Variants in CAMTA1 observed in about 807,000 individuals in gnomAD.
CAMTA1 encodes the protein calmodulin binding transcription activator 1.
Under a neutral mutation model 170.9 loss-of-function variants are expected in CAMTA1, and 27 were observed. The observed-to-expected ratio is 0.16, with a 90% CI of 0.12 to 0.22. The LOEUF is 0.22. Ranked by LOEUF, CAMTA1 falls within the 10% of genes least tolerant of loss-of-function variation. CAMTA1 has a pLI of 1.00. For synonymous variants in CAMTA1, 833 were observed against 891.5 expected (o/e 0.93, Z 1.17); for missense variants, 1,619 against 2,217.2 (o/e 0.73, Z 5.42).
intron 3 of CAMTA1, among the ~76,000 whole-genome samples, chr1:6,853,960 A>G (rs545696216): frequency 6.6e-6 from 1 of 152,348 alleles, no homozygotes; most frequent in Non-Finnish European, 1.5e-5. Context: ...TGCAATTCAT[A>G]GTGGAAAGTT....
At chr1:6,846,124 G>C (rs1658023943) in intron 3 of CAMTA1, among the ~76,000 whole-genome samples, 1 of 152,150 alleles carries the variant, frequency 6.6e-6, no homozygotes, top group African/African-American at 2.4e-5. Context: ...TGACACATGG[G>C]AATTATTACA....
intron 7 of CAMTA1, among the ~76,000 whole-genome samples, chr1:7,655,315 TAC>T (rs1472716241): frequency 4.5e-5 from 5 of 110,414 alleles, no homozygotes; most frequent in Non-Finnish European, 9.2e-5. Flanking sequence ...CACACCGTTA[TAC>T]ACACCTATAC....
rs1163002703 is a variant in CAMTA1 at position 7,562,839 on chromosome 1, C to T, written c.511-77561C>T. On this transcript the variant is annotated intron_variant, in intron 6 of 22. Transcript: ENST00000303635. This position sits in a 1 kb window ranked among gnomAD's most constrained non-coding sequence, Gnocchi z 4.8. ...GCGGACGGGATGACAGGCCCTCTAACCCCACCGCCCACTCACCTGCAGCCT... is the reference window on the plus strand; with the variant it reads ...GCGGACGGGATGACAGGCCCTCTAATCCCACCGCCCACTCACCTGCAGCCT... Among the ~76,000 whole-genome samples the T allele has an allele frequency of 2.0e-5, 3 of 152,200 alleles. No individual in the cohort carries two copies. Among genetic ancestry groups the T allele is most frequent in the Non-Finnish European group, 2.9e-5 (2 of 68,038 alleles).
chr1:7,163,860 C>CT (rs1358780856), intron 4 of CAMTA1, among the ~76,000 whole-genome samples: 1 of 152,212 alleles, frequency 6.6e-6, no homozygotes, highest in Non-Finnish European at 1.5e-5. Context: ...TAGCACCTGT[C>CT]ACATCCTTAT....
chr1:6,904,586 C>G (rs1677895905), intron 3 of CAMTA1, among the ~76,000 whole-genome samples: 1 of 148,210 alleles, frequency 6.7e-6, no homozygotes, highest in African/African-American at 2.5e-5. Context: ...ACAGAGTCTT[C>G]CTCTATCGCC....
chr1:7,287,222 G>C (rs573675044), intron 5 of CAMTA1, among the ~76,000 whole-genome samples: 2 of 152,300 alleles, frequency 1.3e-5, no homozygotes, highest in East Asian at 3.9e-4. Context: ...TCAGTGAGCA[G>C]CCAGGGGGAG....
intron 6 of CAMTA1, among the ~76,000 whole-genome samples, chr1:7,555,371 C>T (rs1269688268): frequency 6.6e-6 from 1 of 152,140 alleles, no homozygotes; most frequent in Non-Finnish European, 1.5e-5. Context: ...CCAAAGCAAG[C>T]AGCCCCTCCA....
chr1:7,433,010 C>T (rs889869185), intron 5 of CAMTA1, among the ~76,000 whole-genome samples: 2 of 152,244 alleles, frequency 1.3e-5, no homozygotes, highest in African/African-American at 4.8e-5. Context: ...GTGAAATCAC[C>T]TCCTCAGAAG....
chr1:6,849,900 T>C (rs113519935), intron 3 of CAMTA1, among the ~76,000 whole-genome samples: 2,590 of 151,838 alleles, frequency 0.017, 35 homozygotes, highest in South Asian at 0.032. Flanking sequence ...CCAGATGTGG[T>C]GACGCATGCC....
chr1:7,718,845 G>A (rs1317839317), intron 11 of CAMTA1, among the ~76,000 whole-genome samples: 2 of 120,234 alleles, frequency 1.7e-5, no homozygotes, highest in African/African-American at 3.2e-5. Flanking sequence ...GCATGAGCCC[G>A]GTCAGCCCTT....
chr1:6,947,372 C>G (rs1374169265), intron 3 of CAMTA1, among the ~76,000 whole-genome samples: 1 of 151,124 alleles, frequency 6.6e-6, no homozygotes, highest in Non-Finnish European at 1.5e-5. Context: ...TTTCCATTGT[C>G]TTTAATTTTT....
intron 3 of CAMTA1, among the ~76,000 whole-genome samples, chr1:7,004,819 G>A (rs565022884): frequency 1.3e-5 from 2 of 152,280 alleles, no homozygotes; most frequent in African/African-American, 2.4e-5. Context: ...CCAGGCTAGA[G>A]TGCAATGGCA....
chr1:7,024,818 T>G (rs1050764100), intron 3 of CAMTA1, among the ~76,000 whole-genome samples: 25 of 152,336 alleles, frequency 1.6e-4, no homozygotes, highest in African/African-American at 6.0e-4. Flanking sequence ...TGAATCAGCT[T>G]TCCTCACTCC....
intron 3 of CAMTA1, among the ~76,000 whole-genome samples, chr1:7,052,250 G>A (rs1218953284): frequency 2.5e-5 from 3 of 121,012 alleles, no homozygotes; most frequent in Non-Finnish European, 5.1e-5. Flanking sequence ...TTCTTGTCCA[G>A]CCCTCTCCTG....
In CAMTA1 at chr1:6,976,295, C is replaced by CTG. The variant is rs899279631; in HGVS notation, c.235-114998_235-114997dup. Among the ~76,000 whole-genome samples the CTG allele has an allele frequency of 3.3e-5, 5 of 152,038 alleles. No individual in the cohort carries two copies. The South Asian group carries it at 8.3e-4, about 25-fold the overall frequency. On this transcript the variant is annotated intron_variant, in intron 3 of 22. Coordinates refer to ENST00000303635, the MANE Select transcript of CAMTA1 (RefSeq NM_015215.4). ...GAGAACTCATCAGCAGGACCTCCTG[C>CTG]TGTGTGTGTGTGAGATGGGGCAGGG...
At chr1:7,392,798 C>T (rs967513123) in intron 5 of CAMTA1, among the ~76,000 whole-genome samples, 9 of 151,928 alleles carry the variant, frequency 5.9e-5, no homozygotes, top group East Asian at 3.9e-4. Flanking sequence ...TGCTTGAACC[C>T]GGAAGGCAGA....
chr1:7,529,935 T>A (rs1030974040), intron 6 of CAMTA1, among the ~76,000 whole-genome samples: 1 of 152,196 alleles, frequency 6.6e-6, no homozygotes, highest in Non-Finnish European at 1.5e-5. Context: ...ATAAGAAGCT[T>A]CCTGCACAGG....
rs1195576439 is a variant in CAMTA1, at chr1:6,971,594, G to A, written c.235-119710G>A. Among the ~76,000 whole-genome samples the A allele has an allele frequency of 1.3e-5, 2 of 152,080 alleles. No homozygotes were observed. The highest frequency in any genetic ancestry group is 2.9e-5 in the Non-Finnish European group (2 of 68,020). On this transcript the variant is annotated intron_variant, in intron 3 of 22. Transcript: ENST00000303635. The surrounding 1 kb of genome is among the most constrained non-coding windows in gnomAD (Gnocchi z 4.6). ...AACCGAAAACTAGATCCACAGGCAG[G>A]CCTTTTATTAAAAGGCATTTAATGA...
At chr1:7,677,218 G>A (rs191257243) in intron 10 of CAMTA1, among the ~76,000 whole-genome samples, 32 of 152,270 alleles carry the variant, frequency 2.1e-4, no homozygotes, top group Admixed American at 6.5e-4. Context: ...TTTTGTACCC[G>A]AGCCCCACCC....
Sources: allele counts gnomAD v4.1 joint callset (sites outside exome capture counted in the v4.1 genomes callset), GRCh38; gene constraint gnomAD v4.1.1; non-coding constraint Gnocchi (gnomAD v3.1); transcripts MANE v1.5; gene names NCBI Gene and HGNC (gene_info 2026-07-23, HGNC 2026-07-21).